Variants in TTC28 observed in about 807,000 individuals in gnomAD.
TTC28 encodes the protein tetratricopeptide repeat domain 28, also known as tetratricopeptide repeat protein 28.
In TTC28, 61 loss-of-function variants were observed where a neutral mutation model predicts 198.0. That is an observed-to-expected ratio of 0.31 (90% CI 0.25 to 0.38). The LOEUF (loss-of-function observed/expected upper bound fraction) is 0.38, where lower values mean the gene tolerates loss of function less well. TTC28 is among the 10% of genes least tolerant of loss of function. The pLI, the probability that TTC28 is intolerant of heterozygous loss-of-function variation, is 1.00. For synonymous variants in TTC28, 1,171 were observed against 1,297.8 expected, an observed-to-expected ratio of 0.90 and a Z score of 2.10; for missense variants, 2,678 against 3,164.0, an observed-to-expected ratio of 0.85 and a Z score of 3.69.
At chr22:28,125,239 T>A (rs190716326) in intron 6 of TTC28, among the ~76,000 whole-genome samples, 141 of 152,314 alleles carry the variant, frequency 9.3e-4, no homozygotes, top group Middle Eastern at 3.4e-3. Context: ...TATGAACCTG[T>A]TTCTTAGCTT....
In TTC28 at chr22:28,001,373, C is replaced by T; in HGVS notation, c.4398+1G>A. The T allele has an allele frequency of 6.5e-7, 1 of 1,548,532 alleles. No homozygotes were observed. Among genetic ancestry groups the T allele is most frequent in the Non-Finnish European group, 8.7e-7 (1 of 1,144,730 alleles). On this transcript the variant is annotated splice_donor_variant, in intron 15 of 22. Coordinates refer to ENST00000397906, the MANE Select transcript of TTC28 (RefSeq NM_001145418.2). LOFTEE classifies it high-confidence loss of function. The stretch of plus-strand genomic sequence containing the variant: ...CCCCCCACCATGTGTGTGAGCCTTA[C>T]CTTGGACTGCACGCTGAGGGAGCGG...
rs1299403733 is a variant in TTC28 at position 28,679,737 on chromosome 22, G to A, written c.-14C>T. On this transcript the variant is annotated 5_prime_UTR_variant, in exon 1 of 23. Transcript: ENST00000397906. ...CGACTGCTCCATCCCCACGGGGCCC[G>A]GGCCGCGTCCGCCTCGAGCTAACGG... 7.4e-6 allele frequency: 9 copies of A among 1,211,982 alleles called. No individual in the cohort carries two copies. The East Asian group carries it at 1.7e-4, about 22-fold the overall frequency. 75.1% of individuals were successfully genotyped at this position (1,211,982 alleles called of 1,614,324 possible).
At chr22:28,584,349 G>A (rs915801299) in intron 2 of TTC28, among the ~76,000 whole-genome samples, 1 of 152,096 alleles carries the variant, frequency 6.6e-6, no homozygotes, top group African/African-American at 2.4e-5. Flanking sequence ...CCAGGAACCT[G>A]GACTCTGCAG....
intron 6 of TTC28, among the ~76,000 whole-genome samples, chr22:28,115,569 A>T (rs1569147434): frequency 6.6e-6 from 1 of 152,252 alleles, no homozygotes; most frequent in Non-Finnish European, 1.5e-5. Context: ...CATTAGATAC[A>T]AGAAAATCCT....
chr22:28,143,953 C>A (rs957595919), intron 6 of TTC28, among the ~76,000 whole-genome samples: 3 of 152,152 alleles, frequency 2.0e-5, no homozygotes, highest in African/African-American at 7.2e-5. Context: ...AAAATTTTCC[C>A]AGAGCCTCGA....
intron 12 of TTC28, among the ~76,000 whole-genome samples, chr22:28,074,540 C>T (rs761342770): frequency 3.3e-5 from 5 of 152,192 alleles, no homozygotes; most frequent in African/African-American, 1.2e-4. Flanking sequence ...TTCAACAGTG[C>T]CTCTGCCAGG....
chr22:28,336,474 T>C (rs988248373), intron 2 of TTC28, among the ~76,000 whole-genome samples: 1 of 152,136 alleles, frequency 6.6e-6, no homozygotes, highest in Non-Finnish European at 1.5e-5. Context: ...GTCCTGGACT[T>C]TTTTTGGTTG....
intron 2 of TTC28, among the ~76,000 whole-genome samples, chr22:28,398,863 CTTCT>C (rs2046857225): frequency 6.6e-6 from 1 of 152,096 alleles, no homozygotes. Context: ...TACCATTAAT[CTTCT>C]TTCTAATTTC....
At chr22:28,611,176 C>A (rs980166281) in intron 2 of TTC28, among the ~76,000 whole-genome samples, 1 of 152,152 alleles carries the variant, frequency 6.6e-6, no homozygotes. Flanking sequence ...AGAACTTCCC[C>A]AACCCAGACC....
At chr22:28,595,303 A>G (rs774966173) in intron 2 of TTC28, among the ~76,000 whole-genome samples, 4 of 152,222 alleles carry the variant, frequency 2.6e-5, no homozygotes, top group Non-Finnish European at 5.9e-5. Context: ...AAAGTATTAG[A>G]AAGTCAAGAA....
chr22:28,067,956 C>A (rs1293604959), intron 12 of TTC28, among the ~76,000 whole-genome samples: 1 of 152,136 alleles, frequency 6.6e-6, no homozygotes, highest in Non-Finnish European at 1.5e-5. Flanking sequence ...GTTGAGTAGA[C>A]CAGTTTATTC....
chr22:28,066,675 CA>C lies in TTC28; in HGVS notation c.3932+27404del, dbSNP rs1342786404. 7.9e-5 allele frequency among the ~76,000 whole-genome samples: 12 copies of C among 152,264 alleles called. No homozygotes were observed. The South Asian group carries it at 2.5e-3, about 32-fold the overall frequency. On this transcript the variant is annotated intron_variant, in intron 12 of 22. Transcript: ENST00000397906. ...ACCAAAAAGACCAAGACAGAACAGG[CA>C]AAATGATCTTGAGGTGTCTCACTGG...
intron 5 of TTC28, among the ~76,000 whole-genome samples, chr22:28,205,233 G>C (rs1926301040): frequency 6.6e-6 from 1 of 152,026 alleles, no homozygotes; most frequent in Non-Finnish European, 1.5e-5. Context: ...GAGACCGGGG[G>C]GAGAGAGGGA....
intron 5 of TTC28, among the ~76,000 whole-genome samples, chr22:28,211,525 G>C (rs1274647122): frequency 2.0e-5 from 3 of 152,074 alleles, no homozygotes; most frequent in African/African-American, 7.2e-5. Flanking sequence ...AGGATCAAAA[G>C]AGACAAAGAA....
intron 2 of TTC28, among the ~76,000 whole-genome samples, chr22:28,585,849 G>T (rs1412998259): frequency 1.3e-5 from 2 of 152,024 alleles, no homozygotes; most frequent in Admixed American, 6.6e-5. Context: ...CAAGGGGAAG[G>T]ATAGCATTAG....
At chr22:28,338,552 T>C (rs539275988) in intron 2 of TTC28, among the ~76,000 whole-genome samples, 1 of 152,292 alleles carries the variant, frequency 6.6e-6, no homozygotes, top group African/African-American at 2.4e-5. Flanking sequence ...TTATTCTTTT[T>C]CCTCTAAACT....
At chr22:28,476,163 G>A (rs1210792743) in intron 2 of TTC28, among the ~76,000 whole-genome samples, 1 of 152,104 alleles carries the variant, frequency 6.6e-6, no homozygotes, top group Non-Finnish European at 1.5e-5. Flanking sequence ...TCCTGCCTGA[G>A]AAAATATTAT....
At chr22:28,413,947 A>G (rs900418871) in intron 2 of TTC28, among the ~76,000 whole-genome samples, 24 of 152,372 alleles carry the variant, frequency 1.6e-4, no homozygotes, top group African/African-American at 5.5e-4. Context: ...GGAAAGTATT[A>G]TAAACATGAA....
At chr22:28,440,152 T>C (rs1375787533) in intron 2 of TTC28, among the ~76,000 whole-genome samples, 1 of 152,192 alleles carries the variant, frequency 6.6e-6, no homozygotes, top group African/African-American at 2.4e-5. Context: ...ACACATTTAA[T>C]TTATACAATT....
Sources: allele counts gnomAD v4.1 joint callset (sites outside exome capture counted in the v4.1 genomes callset), GRCh38; gene constraint gnomAD v4.1.1; transcripts MANE v1.5; gene names NCBI Gene and HGNC (gene_info 2026-07-23, HGNC 2026-07-21).